SH2D6: variants seen among roughly 807,000 people sequenced by gnomAD.
The protein encoded by SH2D6 is SH2 domain-containing protein 6.
A neutral mutation model predicts 30.2 loss-of-function variants in SH2D6; 31 were observed. The observed-to-expected ratio is 1.03, with a 90% CI of 0.77 to 1.38. The LOEUF (loss-of-function observed/expected upper bound fraction) is 1.38, where lower values mean the gene tolerates loss of function less well. Ranked by LOEUF, SH2D6 falls within the 40% of genes most tolerant of loss-of-function variation. The pLI is 0.00. For synonymous variants in SH2D6, 93 were observed against 104.6 expected (o/e 0.89, Z 0.68); for missense variants, 240 against 266.8 (o/e 0.90, Z 0.70).
At chr2:85,432,409 GT>G (rs931733200) in intron 14 of SH2D6, among the ~76,000 whole-genome samples, 7 of 145,864 alleles carry the variant, frequency 4.8e-5, no homozygotes, top group Admixed American at 1.4e-4. Context: ...GTTTTGTTTT[GT>G]TTTTTTTTTG....
intron 6 of SH2D6, among the ~76,000 whole-genome samples, 184 bp from the exon 7 acceptor site, chr2:85,428,400 T>C (rs1346897126): frequency 2.6e-5 from 4 of 152,208 alleles, no homozygotes; most frequent in Admixed American, 2.0e-4. Flanking sequence ...CTCAGTGTTA[T>C]GACTGAATTG....
At chr2:85,420,282 G>A (rs1558743478) in intron 2 of SH2D6, among the ~76,000 whole-genome samples, 1 of 152,226 alleles carries the variant, frequency 6.6e-6, no homozygotes, top group Middle Eastern at 3.4e-3. Flanking sequence ...ACCACGCCTG[G>A]CTAATTTTCG....
intron 2 of SH2D6, among the ~76,000 whole-genome samples, chr2:85,420,680 C>T (rs1573202011): frequency 6.6e-6 from 1 of 152,386 alleles, no homozygotes; most frequent in Non-Finnish European, 1.5e-5. Flanking sequence ...GTCCTAACTT[C>T]CCACGTTCTT....
At chr2:85,435,270 C>G in intron 20 of SH2D6, 143 bp from the exon 21 acceptor site, 1 of 1,247,208 alleles carries the variant, frequency 8.0e-7, no homozygotes, top group Non-Finnish European at 1.1e-6. Flanking sequence ...GTGCCCCAGA[C>G]AGGGACACCA....
chr2:85,435,011 G>GCCCCCCCCCCC, intron 19 of SH2D6, 54 bp from the exon 20 acceptor site: 2 of 932,138 alleles, frequency 2.1e-6, no homozygotes, highest in Non-Finnish European at 2.8e-6. Context: ...AGCCACCTTT[G>GCCCCCCCCCCC]CCCACCCCCA....
intron 14 of SH2D6, 124 bp from the exon 15 acceptor site, chr2:85,432,975 C>A: frequency 1.3e-6 from 1 of 788,632 alleles, no homozygotes; most frequent in Non-Finnish European, 1.5e-6. Context: ...GGCTTCAAAG[C>A]TGGCTCTGAG....
chr2:85,422,328 T>A lies in SH2D6; in HGVS notation c.-465+14T>A, dbSNP rs1687776980. 2 of 152,116 alleles carry A rather than the reference T, an allele frequency of 1.3e-5. No homozygotes were observed. The highest frequency in any genetic ancestry group is 6.6e-5 in the Admixed American group (1 of 15,260). The allele number at this position is 152,116 out of a possible 1,614,324, so 9.4% of individuals were successfully genotyped here. A position where few individuals can be genotyped will look rare whatever the true frequency, so the allele number is the denominator to read the frequency against. On this transcript the variant is annotated intron_variant, in intron 3 of 23. Coordinates refer to ENST00000469800, the MANE Select transcript of SH2D6 (RefSeq NM_001394463.1). ...CTGGACAACATAGTGAGACCCCATA[T>A]CTGTTTTTAAATTAAAAAAATTAAA...
At chr2:85,425,761 A>C (rs1258872787) in intron 6 of SH2D6, among the ~76,000 whole-genome samples, 1 of 152,178 alleles carries the variant, frequency 6.6e-6, no homozygotes, top group Non-Finnish European at 1.5e-5. Flanking sequence ...ACTGTTTGCC[A>C]ATGCCATTGA....
chr2:85,435,636 T>C (rs765309208), intron 21 of SH2D6, 30 bp from the exon 22 acceptor site: 2 of 1,581,630 alleles, frequency 1.3e-6, no homozygotes, highest in East Asian at 2.2e-5. Flanking sequence ...CATTGGAAGA[T>C]GAGGTTGATG....
chr2:85,436,433 T>C (rs1689464986), intron 22 of SH2D6, 33 bp from the exon 23 acceptor site: 2 of 1,548,750 alleles, frequency 1.3e-6, no homozygotes, highest in Non-Finnish European at 1.8e-6. Flanking sequence ...ATGAGGCTCA[T>C]GGGACTCACG....
At chr2:85,432,427 A>G (rs1688814938) in intron 14 of SH2D6, among the ~76,000 whole-genome samples, 1 of 147,772 alleles carries the variant, frequency 6.8e-6, no homozygotes, top group Admixed American at 6.7e-5. Flanking sequence ...TTTGAGACGG[A>G]GTCTTGCTGT....
chr2:85,435,322 G>A, intron 20 of SH2D6, 91 bp from the exon 21 acceptor site: 1 of 1,420,214 alleles, frequency 7.0e-7, no homozygotes, highest in African/African-American at 1.4e-5. Context: ...CATAGGAGAT[G>A]GGAACATAAA....
intron 5 of SH2D6, among the ~76,000 whole-genome samples, chr2:85,424,930 G>C (rs959381057): frequency 4.6e-5 from 7 of 152,090 alleles, no homozygotes; most frequent in Non-Finnish European, 1.0e-4. Context: ...GCCAGGCATG[G>C]TGATGCGCGC....
Position 85,422,640 on chromosome 2 carries a change from CA to C in SH2D6, c.-357del, listed in dbSNP as rs1054455817. On this transcript the variant is annotated 5_prime_UTR_variant, in exon 5 of 24. It removes the in-frame stop codon of an upstream open reading frame in the 5' UTR. Transcript: ENST00000469800. ...AAGGGTTTTAGGCAGAGCCGTGACA[CA>C]ACCAGAGATACTACGAGCAAAGGTT... 1 of 152,436 alleles carries C rather than the reference CA, an allele frequency of 6.6e-6. No individual in the cohort carries two copies. 9.4% of individuals were successfully genotyped at this position (152,436 alleles called of 1,614,324 possible).
chr2:85,434,240 G>GGA, intron 17 of SH2D6, 100 bp from the exon 18 acceptor site: 1 of 1,508,152 alleles, frequency 6.6e-7, no homozygotes, highest in Non-Finnish European at 8.9e-7. Context: ...ATGGTTGTTG[G>GGA]CAGTGGTGGC....
Position 85,435,463 on chromosome 2 carries a change from T to G in SH2D6, c.699T>G (p.Tyr233Ter). The change falls in exon 21 of 24, where the codon TAT becomes TAG. Residue 233 changes from tyrosine to a stop codon, truncating the protein, a stop_gained. Coordinates refer to ENST00000469800, the MANE Select transcript of SH2D6 (RefSeq NM_001394463.1). LOFTEE classifies it high-confidence loss of function. ...GGTACTCGGGGAACTGTGACCGCTA[T>G]GCTGTTGAGAGTGCCCTGCTCCACT... is the stretch of plus-strand genomic sequence containing the variant. ...QPWYSGNCDR[Y>*]AVESALLHLQ... 6.2e-7 allele frequency: 1 copy of G among 1,613,950 alleles called. No homozygotes were observed. The highest frequency in any genetic ancestry group is 2.2e-5 in the East Asian group (1 of 44,876).
At position 85,431,954 on chromosome 2, in the gene SH2D6, G is replaced by A. The variant is rs1008654105; in HGVS notation, c.365G>A (p.Arg122Lys). Residue 122 changes from arginine (R) to lysine (K), a missense_variant, in exon 14 of 24, where the codon AGG (arginine) becomes AAG (lysine). Coordinates refer to ENST00000469800, the MANE Select transcript of SH2D6 (RefSeq NM_001394463.1). ...GGAAAGCAGGGACCTATCTTTGGGA[G>A]GCGAGGTAATGGGGATGTCCTCTCT... Reference protein sequence around the residue: ...VAGKQGPIFGRREQGASSRVV... With the variant: ...VAGKQGPIFGKREQGASSRVV... 6.5e-6 allele frequency: 1 copy of A among 152,770 alleles called. No homozygotes were observed. The highest frequency in any genetic ancestry group is 2.4e-5 in the African/African-American group (1 of 41,466). 9.5% of individuals were successfully genotyped at this position (152,770 alleles called of 1,614,324 possible).
Position 85,435,648 on chromosome 2 carries a change from C to T in SH2D6, c.733-18C>T. 1 of 1,586,916 alleles carries T rather than the reference C, an allele frequency of 6.3e-7. No individual in the cohort carries two copies. The highest frequency in any genetic ancestry group is 8.6e-7 in the Non-Finnish European group (1 of 1,165,248). ...GGCCATTGGAAGATGAGGTTGATGG[C>T]TGGGGTCTCCTCCACAGGATGGGGC... On this transcript the variant is annotated intron_variant, in intron 21 of 23. Coordinates refer to ENST00000469800, the MANE Select transcript of SH2D6 (RefSeq NM_001394463.1).
Position 85,435,408 on chromosome 2 carries a change from C to T in SH2D6, c.649-5C>T, listed in dbSNP as rs758713654. 8 of 1,613,204 alleles carry T rather than the reference C, an allele frequency of 5.0e-6. No homozygotes were observed. The highest frequency in any genetic ancestry group is 3.3e-5 in the South Asian group (3 of 91,028). ...ATGTTTCTGAGTGACTGTGTGTATG[C>T]ACAGGACAGTGATCTGCTGACTCAG... On this transcript the variant is annotated splice_polypyrimidine_tract_variant and splice_region_variant and intron_variant, in intron 20 of 23. Coordinates refer to ENST00000469800, the MANE Select transcript of SH2D6 (RefSeq NM_001394463.1).
Sources: allele counts gnomAD v4.1 joint callset (sites outside exome capture counted in the v4.1 genomes callset), GRCh38; gene constraint gnomAD v4.1.1; transcripts MANE v1.5; gene names NCBI Gene and HGNC (gene_info 2026-07-23, HGNC 2026-07-21).